The following DISP1 variants were observed in gnomAD, a reference collection of about 807,000 sequenced individuals.
The protein encoded by DISP1 is protein dispatched homolog 1.
A neutral mutation model predicts 37.3 loss-of-function variants in DISP1; 30 were observed. The ratio of observed to expected loss-of-function variants is 0.80; its 90% CI spans 0.60 to 1.09. The LOEUF (loss-of-function observed/expected upper bound fraction) is 1.09, where lower values mean the gene tolerates loss of function less well. Among genes scored for constraint, DISP1 ranks in the 50% least tolerant of loss-of-function variants. DISP1 has a pLI of 0.00. For missense variants in DISP1, 1,598 were observed against 1,879.5 expected (o/e 0.85, Z 2.77); for synonymous variants, 634 against 690.2 (o/e 0.92, Z 1.28).
chr1:222,919,610 C>T (rs763887491), intron 1 of DISP1, among the ~76,000 whole-genome samples: 31 of 152,144 alleles, frequency 2.0e-4, no homozygotes, highest in Admixed American at 2.0e-3. Context: ...CCTGTGGTAA[C>T]CGTAGTAACT....
At chr1:222,941,002 T>G (rs74795221) in intron 2 of DISP1, among the ~76,000 whole-genome samples, 13,589 of 152,332 alleles carry the variant, frequency 0.089, 645 homozygotes, top group South Asian at 0.18. Context: ...CTTTATGTTT[T>G]GTTATTTTCA....
intron 1 of DISP1, among the ~76,000 whole-genome samples, chr1:222,855,243 C>T (rs956724639): frequency 5.3e-5 from 8 of 152,190 alleles, no homozygotes; most frequent in Non-Finnish European, 1.0e-4. Flanking sequence ...CTGCCATTCC[C>T]TCTGCCCCTC....
intron 8 of DISP1, among the ~76,000 whole-genome samples, chr1:222,996,402 A>T (rs538203726): frequency 6.6e-6 from 1 of 152,314 alleles, no homozygotes; most frequent in East Asian, 1.9e-4. Context: ...TTTTACACGG[A>T]TGATAAATTA....
intron 2 of DISP1, among the ~76,000 whole-genome samples, chr1:222,942,260 A>C (rs1478967220): frequency 2.6e-5 from 4 of 152,128 alleles, no homozygotes; most frequent in Non-Finnish European, 5.9e-5. Flanking sequence ...GTTTTAATTT[A>C]TTATTCTCAG....
chr1:222,919,150 A>G (rs1473575691), intron 1 of DISP1, among the ~76,000 whole-genome samples: 1 of 152,206 alleles, frequency 6.6e-6, no homozygotes, highest in Admixed American at 6.5e-5. Flanking sequence ...ACAGCCTGCA[A>G]TTGCCTTTCT....
intron 1 of DISP1, among the ~76,000 whole-genome samples, chr1:222,897,638 A>G (rs1310819378): frequency 6.6e-6 from 1 of 152,292 alleles, no homozygotes; most frequent in East Asian, 1.9e-4. Context: ...CTGGGAGGCA[A>G]TTCAATGAAC....
At chr1:222,832,153 C>T (rs1302252860) in intron 1 of DISP1, among the ~76,000 whole-genome samples, 2 of 151,968 alleles carry the variant, frequency 1.3e-5, no homozygotes, top group Admixed American at 1.3e-4. Flanking sequence ...CGCCTGTAAT[C>T]CCAGCTACTT....
intron 3 of DISP1, among the ~76,000 whole-genome samples, chr1:222,954,257 G>T (rs1446442703): frequency 6.6e-6 from 1 of 152,066 alleles, no homozygotes; most frequent in Non-Finnish European, 1.5e-5. Context: ...AGAATTTATA[G>T]AACTTAACAT....
chr1:222,824,862 T>C (rs1053601487), intron 1 of DISP1, among the ~76,000 whole-genome samples: 1 of 152,156 alleles, frequency 6.6e-6, no homozygotes. Context: ...TCACCCAAAC[T>C]CTTTTTTCTT....
In DISP1 at chr1:223,003,371, G is replaced by A; in HGVS notation, c.1974G>A (p.Leu658=). ...MVTWLPAVVV[L]HERYLLNIFT... ...CATGGCTTCCAGCAGTTGTTGTGCT[G>A]CATGAGCGGTATCTTCTTAATATAT... Residue 658 remains leucine, a synonymous_variant, in exon 9 of 9, where the codon CTG becomes CTA. Transcript: ENST00000675850. The surrounding 1 kb of genome is among the most constrained non-coding windows in gnomAD (Gnocchi z 4.3). 2 of 1,614,080 alleles carry A rather than the reference G, an allele frequency of 1.2e-6. No individual in the cohort carries two copies. The highest frequency in any genetic ancestry group is 1.1e-5 in the South Asian group (1 of 91,078).
chr1:222,896,604 GA>G (rs143783223), intron 1 of DISP1, among the ~76,000 whole-genome samples: 26,893 of 131,878 alleles, frequency 0.2, 2,655 homozygotes, highest in Admixed American at 0.31. Context: ...CTATCTCAGA[GA>G]AAAAAAAAAA....
intron 3 of DISP1, among the ~76,000 whole-genome samples, chr1:222,970,360 T>C (rs1676844087): frequency 6.6e-6 from 1 of 152,190 alleles, no homozygotes; most frequent in Non-Finnish European, 1.5e-5. Context: ...TATCTAGTCA[T>C]TTAAAAAGTC....
chr1:222,988,577 CTCTCTCTT>C (rs201175750), intron 4 of DISP1, among the ~76,000 whole-genome samples: 871 of 83,724 alleles, frequency 0.01, 6 homozygotes, highest in African/African-American at 0.029. Flanking sequence ...TTCTCTTTCT[CTCTCTCTT>C]TCTTTTTTCT....
intron 1 of DISP1, among the ~76,000 whole-genome samples, chr1:222,891,415 G>T (rs1212322943): frequency 6.6e-6 from 1 of 152,112 alleles, no homozygotes; most frequent in Non-Finnish European, 1.5e-5. Flanking sequence ...TAGATCAAGG[G>T]AAAGATTGAA....
intron 1 of DISP1, chr1:222,899,766 T>C (rs181137704): frequency 6.6e-6 from 1 of 152,314 alleles, no homozygotes; most frequent in Non-Finnish European, 1.5e-5. Flanking sequence ...ATTTTTCTTT[T>C]TTTTTGTTTG....
rs140791197 is a variant in DISP1, at chr1:222,868,219, T to TA, written c.-159+53151dup. Among the ~76,000 whole-genome samples the TA allele has an allele frequency of 5.2e-3, 761 of 146,610 alleles. 6 individuals carry two copies. Among genetic ancestry groups the TA allele is most frequent in the African/African-American group, 0.018 (703 of 40,120 alleles). The stretch of plus-strand genomic sequence containing the variant: ...GCAACATAGCGAGACCCTCATCTCT[T>TA]AAAAAAAAAAGACTCAAGTAGCTCT... On this transcript the variant is annotated intron_variant, in intron 1 of 8. Coordinates refer to ENST00000675850, the MANE Select transcript of DISP1 (RefSeq NM_001377229.1).
chr1:223,002,615 G>A lies in DISP1; in HGVS notation c.1218G>A (p.Lys406=). 6.2e-7 allele frequency: 1 copy of A among 1,614,180 alleles called. No homozygotes were observed. Among genetic ancestry groups the A allele is most frequent in the Non-Finnish European group, 8.5e-7 (1 of 1,180,028 alleles). The change falls in exon 9 of 9, where the codon AAG becomes AAA. Residue 406 remains lysine (K), a synonymous_variant. Coordinates refer to ENST00000675850, the MANE Select transcript of DISP1 (RefSeq NM_001377229.1). Reference sequence around the variant, plus strand: ...GCTGGGACATGGCAGCCAGAAGAAAGGACCAGCTCAAGTGCACCAATGTGC... The same window carrying A: ...GCTGGGACATGGCAGCCAGAAGAAAAGACCAGCTCAAGTGCACCAATGTGC... ...PDCWDMAARR[K]DQLKCTNVPR... is the part of the protein sequence containing the mutation.
At chr1:222,903,646 C>G (rs1671739430) in intron 1 of DISP1, among the ~76,000 whole-genome samples, 2 of 151,972 alleles carry the variant, frequency 1.3e-5, no homozygotes, top group Admixed American at 1.3e-4. Context: ...CTTTAAAGAG[C>G]TCATGTTTTT....
chr1:222,984,435 T>TATATATATATATATATATAGAG (rs67660273), intron 4 of DISP1, among the ~76,000 whole-genome samples: 4 of 108,372 alleles, frequency 3.7e-5, no homozygotes, highest in South Asian at 6.5e-4. Context: ...TATATATATA[T>TATATATATATATATATATAGAG]AGAGAGAGAG....
Sources: gnomAD v4.1 joint callset for allele counts (sites outside exome capture counted in the v4.1 genomes callset) on GRCh38, gnomAD v4.1.1 for gene constraint, Gnocchi (gnomAD v3.1) non-coding constraint, MANE v1.5 for transcripts, NCBI Gene and HGNC (gene_info 2026-07-23, HGNC 2026-07-21) for gene names.